NR2F1-AS1: variants seen among roughly 807,000 people sequenced by gnomAD.
The protein encoded by NR2F1-AS1 is NR2F1 antisense RNA 1.
chr5:93,448,316 G>A (rs1205555547), intron 4 of NR2F1-AS1, among the ~76,000 whole-genome samples: 1 of 152,120 alleles, frequency 6.6e-6, no homozygotes, highest in African/African-American at 2.4e-5. Context: ...TTCTGTCCTT[G>A]GGGTCCCAAA....
At chr5:93,501,859 A>G (rs565940582) in intron 4 of NR2F1-AS1, among the ~76,000 whole-genome samples, 1 of 152,332 alleles carries the variant, frequency 6.6e-6, no homozygotes, top group African/African-American at 2.4e-5. Flanking sequence ...TATGCTACAG[A>G]GAAATTTTTC....
At chr5:93,530,075 C>CTTTT (rs1227046832) in intron 4 of NR2F1-AS1, among the ~76,000 whole-genome samples, 85 of 97,908 alleles carry the variant, frequency 8.7e-4, no homozygotes, top group African/African-American at 1.2e-3. Context: ...AATTTGAAGG[C>CTTTT]TTTTTTTTTT....
chr5:93,479,211 C>T (rs1750549784), intron 4 of NR2F1-AS1, among the ~76,000 whole-genome samples: 1 of 151,916 alleles, frequency 6.6e-6, no homozygotes, highest in Non-Finnish European at 1.5e-5. Flanking sequence ...CAACAGGAAC[C>T]TTCTCTTGAA....
At chr5:93,562,151 C>A in intron 2 of NR2F1-AS1, among the ~76,000 whole-genome samples, 1 of 109,924 alleles carries the variant, frequency 9.1e-6, no homozygotes, top group Admixed American at 1.2e-4. Context: ...AGTATAAGGC[C>A]AGCCTGGGCA....
At chr5:93,518,950 C>A (rs1488865917) in intron 4 of NR2F1-AS1, among the ~76,000 whole-genome samples, 1 of 152,006 alleles carries the variant, frequency 6.6e-6, no homozygotes, top group East Asian at 1.9e-4. Flanking sequence ...TTAACACAGT[C>A]TACCAGACTA....
chr5:93,487,766 A>G (rs1750756641), intron 4 of NR2F1-AS1, among the ~76,000 whole-genome samples: 1 of 152,192 alleles, frequency 6.6e-6, no homozygotes, highest in South Asian at 2.1e-4. Context: ...ATGGAACCAA[A>G]AAAGAGCCTG....
At chr5:93,548,732 G>A (rs967929481) in intron 4 of NR2F1-AS1, among the ~76,000 whole-genome samples, 2 of 151,964 alleles carry the variant, frequency 1.3e-5, no homozygotes, top group Non-Finnish European at 2.9e-5. Flanking sequence ...TTGACTGGGT[G>A]TAGTGGCACA....
chr5:93,573,704 C>T (rs1239030952), intron 1 of NR2F1-AS1, among the ~76,000 whole-genome samples: 1 of 152,156 alleles, frequency 6.6e-6, no homozygotes, highest in Non-Finnish European at 1.5e-5. Flanking sequence ...AGTGATTTAT[C>T]GCCTCAGCAC....
At chr5:93,546,417 T>C (rs146728551) in intron 4 of NR2F1-AS1, among the ~76,000 whole-genome samples, 28 of 152,300 alleles carry the variant, frequency 1.8e-4, no homozygotes, top group African/African-American at 6.7e-4. Context: ...ATTTTATACA[T>C]TGCAATTATC....
intron 4 of NR2F1-AS1, among the ~76,000 whole-genome samples, chr5:93,487,386 A>T (rs1374644353): frequency 6.6e-6 from 1 of 152,236 alleles, no homozygotes; most frequent in African/African-American, 2.4e-5. Flanking sequence ...GCTGATAAGC[A>T]ACTTCAGCAA....
chr5:93,567,085 G>A (rs1235303934), intron 1 of NR2F1-AS1, among the ~76,000 whole-genome samples: 1 of 151,850 alleles, frequency 6.6e-6, no homozygotes, highest in African/African-American at 2.4e-5. Flanking sequence ...GATATTCTCA[G>A]TCCAAAGTTT....
At chr5:93,557,855 C>T (rs564996924) in intron 2 of NR2F1-AS1, among the ~76,000 whole-genome samples, 2 of 152,200 alleles carry the variant, frequency 1.3e-5, no homozygotes, top group African/African-American at 4.8e-5. Flanking sequence ...TCCCTTCAAA[C>T]CCTGCTGTTG....
chr5:93,466,917 G>C lies in NR2F1-AS1; in HGVS notation n.639-71375C>G, dbSNP rs1053021626. ...ATATCCCTTTTTTGGGGGGGGGGGG[G>C]GTGGACGGAGTCTCACTGTGGTGCC... On this transcript the variant is annotated intron_variant and non_coding_transcript_variant, in intron 4 of 5. Coordinates refer to ENST00000660523, the Ensembl canonical transcript of NR2F1-AS1. Among the ~76,000 whole-genome samples, 13 of 115,032 alleles carry C rather than the reference G, an allele frequency of 1.1e-4. 2 individuals are homozygous for C. The highest frequency in any genetic ancestry group is 3.6e-4 in the African/African-American group (12 of 33,368). 75.5% of individuals were successfully genotyped at this position (115,032 alleles called of 152,430 possible). A position where few individuals can be genotyped will look rare whatever the true frequency, so the allele number is the denominator to read the frequency against.
chr5:93,416,857 TA>T (rs1457612087), intron 4 of NR2F1-AS1, among the ~76,000 whole-genome samples: 1 of 152,160 alleles, frequency 6.6e-6, no homozygotes, highest in Non-Finnish European at 1.5e-5. Context: ...TAAAGTGGTT[TA>T]TTTAAAAAAA....
chr5:93,569,861 G>T (rs1199567468), intron 1 of NR2F1-AS1: 1 of 152,166 alleles, frequency 6.6e-6, no homozygotes, highest in Non-Finnish European at 1.5e-5. Context: ...GATGCTTTCT[G>T]TTAACAATGT....
intron 4 of NR2F1-AS1, among the ~76,000 whole-genome samples, chr5:93,463,893 T>C (rs1321299819): frequency 6.6e-6 from 1 of 152,340 alleles, no homozygotes; most frequent in South Asian, 2.1e-4. Flanking sequence ...CTTTTGATTT[T>C]ACAGGCTCAT....
intron 4 of NR2F1-AS1, among the ~76,000 whole-genome samples, chr5:93,473,572 C>T (rs1358402535): frequency 6.6e-6 from 1 of 151,310 alleles, no homozygotes; most frequent in African/African-American, 2.4e-5. Flanking sequence ...TCCCCTTTCC[C>T]ATCTGCCAGG....
intron 4 of NR2F1-AS1, among the ~76,000 whole-genome samples, chr5:93,528,787 C>T (rs1246847895): frequency 6.6e-6 from 1 of 151,640 alleles, no homozygotes; most frequent in Non-Finnish European, 1.5e-5. Flanking sequence ...TCTCAGCAAA[C>T]TAACACGGGA....
intron 4 of NR2F1-AS1, among the ~76,000 whole-genome samples, chr5:93,426,411 G>T (rs1399500144): frequency 6.6e-6 from 1 of 152,090 alleles, no homozygotes; most frequent in Non-Finnish European, 1.5e-5. Flanking sequence ...ATTTTTTCCT[G>T]TGGGACTGGC....
Sources: allele counts gnomAD v4.1 joint callset (sites outside exome capture counted in the v4.1 genomes callset), GRCh38; gene constraint gnomAD v4.1.1; transcripts MANE v1.5; gene names NCBI Gene and HGNC (gene_info 2026-07-23, HGNC 2026-07-21).